The following TMEM132D variants were observed in gnomAD, a reference collection of about 807,000 sequenced individuals.
TMEM132D encodes mature OL transmembrane protein.
A neutral mutation model predicts 62.3 loss-of-function variants in TMEM132D; 21 were observed. The observed-to-expected ratio is 0.34, with a 90% CI of 0.24 to 0.49. The LOEUF is 0.49. TMEM132D is among the 20% of genes least tolerant of loss of function. The probability of loss-of-function intolerance (pLI) is 0.99; values close to 1 mark genes in which losing one functional copy is unlikely to be tolerated. For synonymous variants in TMEM132D, 621 were observed against 575.6 expected (o/e 1.08, Z -1.13); for missense variants, 1,346 against 1,402.8 (o/e 0.96, Z 0.65).
At chr12:129,525,807 T>C (rs1876016783) in intron 3 of TMEM132D, among the ~76,000 whole-genome samples, 1 of 152,210 alleles carries the variant, frequency 6.6e-6, no homozygotes, top group Non-Finnish European at 1.5e-5. Context: ...CCCACTCTCT[T>C]TGCGGAATCA....
chr12:129,811,579 T>G (rs544922274), intron 1 of TMEM132D, among the ~76,000 whole-genome samples: 1 of 151,888 alleles, frequency 6.6e-6, no homozygotes, highest in South Asian at 2.1e-4. Context: ...CGTACAAAGA[T>G]GCCACCTCTG....
chr12:129,877,173 T>TAA lies in TMEM132D; in HGVS notation c.79+26087_79+26088insTT, dbSNP rs59715068. 1.5e-4 allele frequency among the ~76,000 whole-genome samples: 23 copies of TAA among 148,432 alleles called. No individual in the cohort carries two copies. The South Asian group carries it at 4.4e-3, about 28-fold the overall frequency. On this transcript the variant is annotated intron_variant, in intron 1 of 8. Coordinates refer to ENST00000422113, the MANE Select transcript of TMEM132D (RefSeq NM_133448.3). Reference sequence around the variant, plus strand: ...ATTAGTTTAACTATGAATATTATATTTATAATTATGTAATATTATAGTATA... The same window carrying TAA: ...ATTAGTTTAACTATGAATATTATATTAATATAATTATGTAATATTATAGTATA...
chr12:129,848,534 GA>G (rs146702378), intron 1 of TMEM132D, among the ~76,000 whole-genome samples: 1 of 152,170 alleles, frequency 6.6e-6, no homozygotes, highest in Non-Finnish European at 1.5e-5. Context: ...ATTATATCAA[GA>G]AGGTAAAATA....
chr12:129,866,616 A>G (rs1874070294), intron 1 of TMEM132D, among the ~76,000 whole-genome samples: 1 of 151,768 alleles, frequency 6.6e-6, no homozygotes, highest in Non-Finnish European at 1.5e-5. Context: ...AAAAAAAAAG[A>G]AAAATGAGTG....
chr12:129,582,983 G>A (rs1206877952), intron 2 of TMEM132D, among the ~76,000 whole-genome samples: 1 of 151,998 alleles, frequency 6.6e-6, no homozygotes, highest in Non-Finnish European at 1.5e-5. Flanking sequence ...AGGCTGGAGT[G>A]CAGTGGCACG....
At chr12:129,353,364 T>C (rs1457868707) in intron 3 of TMEM132D, among the ~76,000 whole-genome samples, 2 of 152,004 alleles carry the variant, frequency 1.3e-5, no homozygotes, top group Non-Finnish European at 2.9e-5. Context: ...TGAGAATGAA[T>C]AAAGAGGTGA....
chr12:129,093,102 G>C (rs1313934917), intron 5 of TMEM132D, among the ~76,000 whole-genome samples: 1 of 152,202 alleles, frequency 6.6e-6, no homozygotes. Flanking sequence ...TGCTGGACCA[G>C]TTTCAAATGG....
At chr12:129,459,230 T>C (rs370739216) in intron 3 of TMEM132D, among the ~76,000 whole-genome samples, 4 of 152,280 alleles carry the variant, frequency 2.6e-5, no homozygotes, top group East Asian at 3.9e-4. Flanking sequence ...TGGACTTTCA[T>C]GAGAGGAGCC....
chr12:129,732,103 C>T (rs1869268034), intron 1 of TMEM132D, among the ~76,000 whole-genome samples: 1 of 152,136 alleles, frequency 6.6e-6, no homozygotes, highest in African/African-American at 2.4e-5. Context: ...GACCAACTCC[C>T]AAGGCTGTCA....
At chr12:129,837,841 C>T (rs1258440151) in intron 1 of TMEM132D, among the ~76,000 whole-genome samples, 1 of 152,204 alleles carries the variant, frequency 6.6e-6, no homozygotes, top group African/African-American at 2.4e-5. Flanking sequence ...TTCGTGCCAC[C>T]TGCAAATGAA....
chr12:129,761,105 C>G (rs1870360076), intron 1 of TMEM132D, among the ~76,000 whole-genome samples: 1 of 152,032 alleles, frequency 6.6e-6, no homozygotes. Context: ...CTGGAGAGAT[C>G]AGAAATGTGG....
At chr12:129,538,736 C>T (rs1334250185) in intron 2 of TMEM132D, among the ~76,000 whole-genome samples, 4 of 152,206 alleles carry the variant, frequency 2.6e-5, no homozygotes, top group Non-Finnish European at 5.9e-5. Flanking sequence ...CTTAGGATGA[C>T]GATGAGAGGT....
chr12:129,651,163 G>A (rs1482743724), intron 2 of TMEM132D, among the ~76,000 whole-genome samples: 1 of 152,128 alleles, frequency 6.6e-6, no homozygotes, highest in Non-Finnish European at 1.5e-5. Context: ...TTGTGTGTGT[G>A]ATCATTTTGA....
intron 2 of TMEM132D, among the ~76,000 whole-genome samples, chr12:129,693,845 G>A (rs560716569): frequency 6.6e-6 from 1 of 152,262 alleles, no homozygotes; most frequent in Admixed American, 6.5e-5. Flanking sequence ...TGTATGCGAC[G>A]TATGAACAAG....
intron 1 of TMEM132D, among the ~76,000 whole-genome samples, chr12:129,782,024 G>A (rs1424334930): frequency 3.3e-5 from 5 of 152,164 alleles, no homozygotes; most frequent in Admixed American, 6.5e-5. Context: ...CATTCATGAC[G>A]AGGTTAATGT....
chr12:129,369,217 G>A (rs1204977489), intron 3 of TMEM132D, among the ~76,000 whole-genome samples: 1 of 152,216 alleles, frequency 6.6e-6, no homozygotes, highest in Non-Finnish European at 1.5e-5. Context: ...GTGTCTGTGT[G>A]CAGACCTGCC....
chr12:129,502,347 T>A (rs903461814), intron 3 of TMEM132D, among the ~76,000 whole-genome samples: 3 of 152,148 alleles, frequency 2.0e-5, no homozygotes, highest in African/African-American at 7.2e-5. Context: ...ACCATCAAGG[T>A]TGAATATCAA....
At chr12:129,890,720 T>C (rs1243261619) in intron 1 of TMEM132D, among the ~76,000 whole-genome samples, 1 of 152,214 alleles carries the variant, frequency 6.6e-6, no homozygotes, top group East Asian at 1.9e-4. Context: ...CCATGCCTCA[T>C]TTTCCCCCAC....
At chr12:129,130,867 G>A (rs1320453703) in intron 5 of TMEM132D, among the ~76,000 whole-genome samples, 1 of 152,222 alleles carries the variant, frequency 6.6e-6, no homozygotes, top group Non-Finnish European at 1.5e-5. Flanking sequence ...ATAAGATTAT[G>A]TAGTAGCTTA....
Sources: gnomAD v4.1 joint callset for allele counts (sites outside exome capture counted in the v4.1 genomes callset) on GRCh38, gnomAD v4.1.1 for gene constraint, MANE v1.5 for transcripts, NCBI Gene and HGNC (gene_info 2026-07-23, HGNC 2026-07-21) for gene names.